Variants in INVS observed in about 807,000 individuals in gnomAD.
The protein encoded by INVS is inversion of embryo turning homolog.
In INVS, 86 loss-of-function variants were observed where a neutral mutation model predicts 108.8. The ratio of observed to expected loss-of-function variants is 0.79; its 90% CI spans 0.66 to 0.95. The LOEUF is 0.95. Among genes scored for constraint, INVS ranks in the 40% least tolerant of loss-of-function variants. INVS has a pLI of 0.00. For missense variants in INVS, 1,169 were observed against 1,297.4 expected, an observed-to-expected ratio of 0.90 and a Z score of 1.52; for synonymous variants, 455 against 473.5, an observed-to-expected ratio of 0.96 and a Z score of 0.51.
intron 3 of INVS, among the ~76,000 whole-genome samples, chr9:100,214,315 T>C (rs1830922873): frequency 6.6e-6 from 1 of 152,154 alleles, no homozygotes; most frequent in African/African-American, 2.4e-5. Context: ...TCGTTGCAGA[T>C]AGTTACAGGA....
rs538265280 is a variant in INVS, at chr9:100,301,526, G to T, written c.*852G>T. Among the ~76,000 whole-genome samples, 1 of 152,286 alleles carries T rather than the reference G, an allele frequency of 6.6e-6. No individual in the cohort carries two copies. The highest frequency in any genetic ancestry group is 2.1e-4 in the South Asian group (1 of 4,828). Reference sequence around the variant, plus strand: ...CAGAAGTGAGCAATCTTCTTAAAATGCCATTTCTGTTGGCAGGGAAGAATG... The same window carrying T: ...CAGAAGTGAGCAATCTTCTTAAAATTCCATTTCTGTTGGCAGGGAAGAATG... On this transcript the variant is annotated 3_prime_UTR_variant, in exon 17 of 17. Transcript: ENST00000262457.
At chr9:100,151,369 C>T (rs1332466121) in intron 3 of INVS, among the ~76,000 whole-genome samples, 3 of 152,036 alleles carry the variant, frequency 2.0e-5, no homozygotes, top group Non-Finnish European at 4.4e-5. Flanking sequence ...GTCCTAGCCA[C>T]TCAGGAGGCT....
intron 13 of INVS, among the ~76,000 whole-genome samples, chr9:100,285,512 A>T (rs1303555125): frequency 6.6e-6 from 1 of 152,208 alleles, no homozygotes; most frequent in African/African-American, 2.4e-5. Flanking sequence ...TGGAGGATTT[A>T]CTAGTTTGAC....
intron 3 of INVS, chr9:100,129,783 AT>A: frequency 1.6e-6 from 1 of 642,288 alleles, no homozygotes; most frequent in Non-Finnish European, 2.9e-6. Flanking sequence ...CCTTTATGAC[AT>A]TTTCCAAACT....
At chr9:100,112,463 G>A (rs1173658084) in intron 2 of INVS, among the ~76,000 whole-genome samples, 1 of 152,110 alleles carries the variant, frequency 6.6e-6, no homozygotes, top group Non-Finnish European at 1.5e-5. Flanking sequence ...TAAGACTTAG[G>A]AAGATGACAG....
Position 100,297,093 on chromosome 9 carries a change from A to G in INVS, c.2963A>G (p.Lys988Arg), listed in dbSNP as rs1417356791. 6.2e-7 allele frequency: 1 copy of G among 1,614,054 alleles called. No individual in the cohort carries two copies. Among genetic ancestry groups the G allele is most frequent in the South Asian group, 1.1e-5 (1 of 91,072 alleles). ...AVSKAPKSPS[K>R]GTSGTKSTKH... ...AGCAAGGCCCCCAAGAGTCCATCCA[A>G]GGGCACCTCAGGCACAAAGTCCACC... Residue 988 changes from lysine (K) to arginine (R), a missense_variant, in exon 15 of 17, where the codon AAG (lysine) becomes AGG (arginine). Around this residue, in one of 3 missense-constraint regions of INVS, gnomAD observed 533 missense variants for 536.0 expected, o/e 0.99. Transcript: ENST00000262457.
chr9:100,206,126 A>G (rs1490768312), intron 3 of INVS, among the ~76,000 whole-genome samples: 1 of 152,136 alleles, frequency 6.6e-6, no homozygotes, highest in Non-Finnish European at 1.5e-5. Flanking sequence ...TTTTCACAAC[A>G]AGAATACTGT....
chr9:100,112,681 C>T (rs1008982780), intron 2 of INVS, among the ~76,000 whole-genome samples: 3 of 149,706 alleles, frequency 2.0e-5, no homozygotes, highest in Admixed American at 6.6e-5. Context: ...AAAAAAAAAT[C>T]GCAAAAAAAA....
intron 3 of INVS, among the ~76,000 whole-genome samples, chr9:100,152,864 T>A (rs1828850636): frequency 6.6e-6 from 1 of 152,210 alleles, no homozygotes; most frequent in South Asian, 2.1e-4. Flanking sequence ...GTCTTTCCTG[T>A]CACTTTGTCA....
At chr9:100,118,303 G>A (rs1054873586) in intron 2 of INVS, among the ~76,000 whole-genome samples, 3 of 151,810 alleles carry the variant, frequency 2.0e-5, no homozygotes, top group Non-Finnish European at 4.4e-5. Flanking sequence ...CCACCTCCCG[G>A]GTTCAAGCGA....
chr9:100,157,921 T>C (rs1829054943), intron 3 of INVS, among the ~76,000 whole-genome samples: 1 of 152,210 alleles, frequency 6.6e-6, no homozygotes, highest in African/African-American at 2.4e-5. Context: ...TGGTCTCCTT[T>C]TAAATGTTTC....
chr9:100,185,287 A>G (rs1830019286), intron 3 of INVS, among the ~76,000 whole-genome samples: 1 of 151,786 alleles, frequency 6.6e-6, no homozygotes, highest in South Asian at 2.1e-4. Flanking sequence ...AGATATGTGT[A>G]ATAAATGTAC....
chr9:100,290,630 G>A (rs1326677361), intron 13 of INVS, among the ~76,000 whole-genome samples: 2 of 152,208 alleles, frequency 1.3e-5, no homozygotes, highest in African/African-American at 2.4e-5. Context: ...GGGATTACAG[G>A]CGTGAGCCAT....
Position 100,284,472 on chromosome 9 carries a change from C to G in INVS, c.1937C>G (p.Ala646Gly). The G allele has an allele frequency of 6.2e-7, 1 of 1,614,168 alleles. No individual in the cohort carries two copies. Among genetic ancestry groups the G allele is most frequent in the South Asian group, 1.1e-5 (1 of 91,082 alleles). Residue 646 changes from alanine to glycine, a missense_variant, in exon 13 of 17, where the codon GCT becomes GGT. Ala to Gly is a moderately conservative substitution (Grantham distance 60). Coordinates refer to ENST00000262457, the MANE Select transcript of INVS (RefSeq NM_014425.5). ...CGGGCCCCCAGCAAGCAGCCTCCTG[C>G]TGGCAACGTGGCCCAAGGCCCTGAG... ...QSRAPSKQPP[A>G]GNVAQGPEPR...
intron 14 of INVS, among the ~76,000 whole-genome samples, chr9:100,293,449 T>C (rs1192297480): frequency 6.6e-6 from 1 of 152,172 alleles, no homozygotes; most frequent in Non-Finnish European, 1.5e-5. Context: ...GTTGCTGGAA[T>C]GAGATAATGC....
intron 8 of INVS, among the ~76,000 whole-genome samples, chr9:100,250,981 C>T (rs1482119073): frequency 1.3e-5 from 2 of 151,938 alleles, no homozygotes; most frequent in African/African-American, 4.8e-5. Context: ...TGTACTAACT[C>T]TTCCCTTTGC....
At chr9:100,122,674 C>T (rs1454984580) in intron 2 of INVS, among the ~76,000 whole-genome samples, 8 of 141,156 alleles carry the variant, frequency 5.7e-5, no homozygotes, top group African/African-American at 2.1e-4. Context: ...AGCTCCGTCT[C>T]CCGGGTTCAC....
Position 100,302,106 on chromosome 9 carries a change from T to C in INVS, c.*1432T>C. 2.5e-6 allele frequency: 2 copies of C among 789,698 alleles called. No individual in the cohort carries two copies. Among genetic ancestry groups the C allele is most frequent in the Non-Finnish European group, 3.9e-6 (2 of 512,196 alleles). The allele number at this position is 789,698 out of a possible 1,614,324, so 48.9% of individuals were successfully genotyped here. On this transcript the variant is annotated 3_prime_UTR_variant, in exon 17 of 17. Transcript: ENST00000262457. Reference sequence around the variant, plus strand: ...AACTTCTTTAAAAGTTCAGCTTTAATGACAAAGATCTATTACATCAGTCTT... The same window carrying C: ...AACTTCTTTAAAAGTTCAGCTTTAACGACAAAGATCTATTACATCAGTCTT...
At chr9:100,220,605 A>G (rs549932841) in intron 3 of INVS, among the ~76,000 whole-genome samples, 1 of 152,194 alleles carries the variant, frequency 6.6e-6, no homozygotes, top group South Asian at 2.1e-4. Context: ...CTCTTATACT[A>G]TTTCCTACCC....
Sources: gnomAD v4.1 joint callset for allele counts (sites outside exome capture counted in the v4.1 genomes callset) on GRCh38, gnomAD v4.1.1 for gene constraint, gnomAD v4.1.1 regional missense constraint, MANE v1.5 for transcripts, NCBI Gene and HGNC (gene_info 2026-07-23, HGNC 2026-07-21) for gene names.